SMAP1: variants seen among roughly 807,000 people sequenced by gnomAD.
SMAP1 encodes the protein small ArfGAP 1.
Under a neutral mutation model 58.5 loss-of-function variants are expected in SMAP1, and 24 were observed. That is an observed-to-expected ratio of 0.41 (90% CI 0.30 to 0.58). The LOEUF (loss-of-function observed/expected upper bound fraction) is 0.58. SMAP1 is among the 20% of genes least tolerant of loss of function. The pLI is 0.29. For missense variants in SMAP1, 563 were observed against 566.3 expected, an observed-to-expected ratio of 0.99 and a Z score of 0.06; for synonymous variants, 216 against 196.6, an observed-to-expected ratio of 1.10 and a Z score of -0.82.
At chr6:70,803,186 T>C (rs1768943780) in intron 6 of SMAP1, among the ~76,000 whole-genome samples, 1 of 152,184 alleles carries the variant, frequency 6.6e-6, no homozygotes, top group Admixed American at 6.5e-5. Flanking sequence ...CAGAGTCTGT[T>C]ATTGGTCTAT....
intron 1 of SMAP1, among the ~76,000 whole-genome samples, chr6:70,728,920 T>C (rs1045645677): frequency 5.3e-5 from 8 of 152,250 alleles, no homozygotes; most frequent in Admixed American, 6.5e-5. Flanking sequence ...CTAATACTTT[T>C]CAGCCTCAGT....
At chr6:70,744,771 T>G (rs1765956982) in intron 2 of SMAP1, among the ~76,000 whole-genome samples, 1 of 152,248 alleles carries the variant, frequency 6.6e-6, no homozygotes, top group Non-Finnish European at 1.5e-5. Context: ...ATGGTTGAAC[T>G]AATTTACAGT....
At chr6:70,743,328 A>G (rs982199965) in intron 2 of SMAP1, among the ~76,000 whole-genome samples, 2 of 152,048 alleles carry the variant, frequency 1.3e-5, no homozygotes, top group African/African-American at 2.4e-5. Flanking sequence ...ACTATCATCT[A>G]TTGGTTTTTA....
intron 6 of SMAP1, among the ~76,000 whole-genome samples, 175 bp downstream of exon 6, chr6:70,798,912 G>A (rs1768726629): frequency 6.6e-6 from 1 of 152,014 alleles, no homozygotes; most frequent in African/African-American, 2.4e-5. Context: ...TGTATTATTT[G>A]TAATCAGTTA....
chr6:70,839,697 A>AGG (rs1171660981), intron 7 of SMAP1, among the ~76,000 whole-genome samples: 1 of 152,304 alleles, frequency 6.6e-6, no homozygotes, highest in Non-Finnish European at 1.5e-5. Context: ...GGTTAGAAAG[A>AGG]GGGCTGTCTT....
chr6:70,771,841 G>A lies in SMAP1; in HGVS notation c.339-1509G>A, dbSNP rs10945253. 1.0e-3 allele frequency among the ~76,000 whole-genome samples: 154 copies of A among 152,248 alleles called. 3 individuals are homozygous for A. In the East Asian group the frequency reaches 0.027, roughly 27 times the overall value. ...AATGCAGAAATCACCCATCTTCTGC[G>A]TCGCTCACGCTGGGAGCTGTAGACC... On this transcript the variant is annotated intron_variant, in intron 3 of 10. Transcript: ENST00000370455.
intron 3 of SMAP1, among the ~76,000 whole-genome samples, chr6:70,763,906 G>GT (rs1422186748): frequency 6.6e-6 from 1 of 152,050 alleles, no homozygotes; most frequent in African/African-American, 2.4e-5. Context: ...TGAGTCATGA[G>GT]TTTGTGTTTT....
intron 6 of SMAP1, among the ~76,000 whole-genome samples, chr6:70,830,470 A>G (rs1283861999): frequency 2.6e-5 from 4 of 152,344 alleles, no homozygotes; most frequent in East Asian, 1.9e-4. Flanking sequence ...TGTGATAGCT[A>G]TATTTTAAGT....
At chr6:70,702,281 G>T (rs1401836503) in intron 1 of SMAP1, among the ~76,000 whole-genome samples, 1 of 151,034 alleles carries the variant, frequency 6.6e-6, no homozygotes, top group Non-Finnish European at 1.5e-5. Flanking sequence ...AAAAAATTCT[G>T]CAATTATTTT....
At chr6:70,819,206 T>C (rs1481731479) in intron 6 of SMAP1, among the ~76,000 whole-genome samples, 3 of 152,038 alleles carry the variant, frequency 2.0e-5, no homozygotes, top group Non-Finnish European at 4.4e-5. Flanking sequence ...CTGCATTCTT[T>C]TCTTGCAATT....
intron 4 of SMAP1, among the ~76,000 whole-genome samples, chr6:70,789,741 A>T (rs1038478187): frequency 6.6e-6 from 1 of 150,682 alleles, no homozygotes; most frequent in Non-Finnish European, 1.5e-5. Context: ...AAAAAAAAAA[A>T]AAAAAAGTGG....
intron 6 of SMAP1, among the ~76,000 whole-genome samples, chr6:70,823,307 T>C (rs991938922): frequency 1.3e-5 from 2 of 152,206 alleles, no homozygotes; most frequent in African/African-American, 4.8e-5. Flanking sequence ...GTCTCAGTCC[T>C]TTAATGAGCC....
intron 4 of SMAP1, among the ~76,000 whole-genome samples, chr6:70,780,151 G>A (rs112317479): frequency 3.9e-5 from 6 of 152,160 alleles, no homozygotes; most frequent in African/African-American, 1.4e-4. Context: ...TATACAGAGT[G>A]TATATACCAG....
intron 5 of SMAP1, among the ~76,000 whole-genome samples, chr6:70,792,556 C>T (rs138799413): frequency 3.4e-4 from 52 of 151,966 alleles, no homozygotes; most frequent in Middle Eastern, 6.8e-3. Context: ...GATTGAGGTA[C>T]GCTCACTGTA....
chr6:70,706,822 T>C (rs1767859302), intron 1 of SMAP1, among the ~76,000 whole-genome samples: 1 of 152,162 alleles, frequency 6.6e-6, no homozygotes, highest in Non-Finnish European at 1.5e-5. Context: ...CAAATAATAA[T>C]GGGATCTAGA....
At chr6:70,711,949 A>G (rs1425815006) in intron 1 of SMAP1, among the ~76,000 whole-genome samples, 4 of 152,200 alleles carry the variant, frequency 2.6e-5, no homozygotes, top group African/African-American at 9.7e-5. Flanking sequence ...GCTCTTGCTA[A>G]TATTTCCAAT....
chr6:70,755,713 ATC>A (rs955164022), intron 3 of SMAP1, among the ~76,000 whole-genome samples: 6 of 152,064 alleles, frequency 3.9e-5, no homozygotes, highest in South Asian at 4.1e-4. Flanking sequence ...ATTGTTCTCC[ATC>A]TCTCAATTGG....
chr6:70,739,317 A>G (rs1463415195), intron 2 of SMAP1, among the ~76,000 whole-genome samples: 1 of 152,174 alleles, frequency 6.6e-6, no homozygotes, highest in Non-Finnish European at 1.5e-5. Flanking sequence ...AGAAACATAA[A>G]TAAAATATAT....
At chr6:70,838,707 G>A (rs950754739) in intron 7 of SMAP1, among the ~76,000 whole-genome samples, 1 of 151,978 alleles carries the variant, frequency 6.6e-6, no homozygotes, top group African/African-American at 2.4e-5. Flanking sequence ...AATGATCTAG[G>A]GGAGAGTAGT....
Sources: allele counts gnomAD v4.1 joint callset (sites outside exome capture counted in the v4.1 genomes callset), GRCh38; gene constraint gnomAD v4.1.1; transcripts MANE v1.5; gene names NCBI Gene and HGNC (gene_info 2026-07-23, HGNC 2026-07-21).